TSNARE1: variants seen among roughly 807,000 people sequenced by gnomAD.
TSNARE1 encodes t-SNARE domain containing 1.
Under a neutral mutation model 62.0 loss-of-function variants are expected in TSNARE1, and 49 were observed. The observed-to-expected ratio is 0.79, with a 90% confidence interval of 0.63 to 1.00. The LOEUF (loss-of-function observed/expected upper bound fraction) is 1.00. TSNARE1 is among the 50% of genes least tolerant of loss of function. TSNARE1 has a pLI of 0.00. For missense variants in TSNARE1, 755 were observed against 700.1 expected, an observed-to-expected ratio of 1.08 and a Z score of -0.88; for synonymous variants, 328 against 294.4, an observed-to-expected ratio of 1.11 and a Z score of -1.17.
In TSNARE1 at chr8:142,212,248, G is replaced by A. The variant is rs1384646304; in HGVS notation, c.*77C>T. The A allele has an allele frequency of 6.6e-6, 1 of 152,268 alleles. No individual in the cohort carries two copies. The highest frequency in any genetic ancestry group is 1.5e-5 in the Non-Finnish European group (1 of 68,072). The allele number at this position is 152,268 out of a possible 1,614,324, so 9.4% of individuals were successfully genotyped here. On this transcript the variant is annotated 3_prime_UTR_variant, in exon 14 of 14. Coordinates refer to ENST00000524325, the MANE Select transcript of TSNARE1 (RefSeq NM_145003.5). ...CGGACTCCATCAGCTCCCAGCTCCG[G>A]GCCAGGAGGGGTGCTCGGGGCTGGA...
Position 142,342,435 on chromosome 8 carries a change from G to C in TSNARE1, c.745+1531C>G, listed in dbSNP as rs550248689. Among the ~76,000 whole-genome samples the C allele has an allele frequency of 1.8e-3, 275 of 152,316 alleles. 2 individuals carry two copies. Among genetic ancestry groups the C allele is most frequent in the African/African-American group, 6.4e-3 (264 of 41,574 alleles). On this transcript the variant is annotated intron_variant, in intron 4 of 13. Transcript: ENST00000524325. ...CACACTGGGCTCAGGTATGGGGGCA[G>C]ATCCCAGCCAATGTCTTGAGGGGAA...
At chr8:142,236,791 A>G (rs1476458413) in intron 12 of TSNARE1, among the ~76,000 whole-genome samples, 4 of 152,130 alleles carry the variant, frequency 2.6e-5, no homozygotes, top group Admixed American at 1.3e-4. Flanking sequence ...TAATCGGTGC[A>G]TATTCATTGC....
intron 11 of TSNARE1, chr8:142,277,376 G>C: frequency 1.0e-6 from 1 of 985,412 alleles, no homozygotes; most frequent in Non-Finnish European, 1.2e-6. Flanking sequence ...TCAGGGCACA[G>C]GGACCCCTGT....
At chr8:142,249,233 A>G (rs1466073469) in intron 12 of TSNARE1, among the ~76,000 whole-genome samples, 3 of 152,234 alleles carry the variant, frequency 2.0e-5, no homozygotes, top group Admixed American at 2.0e-4. Context: ...CAGGGACGTC[A>G]TCCGGACGGG....
At chr8:142,294,255 A>G (rs888200797) in intron 10 of TSNARE1, among the ~76,000 whole-genome samples, 8 of 152,108 alleles carry the variant, frequency 5.3e-5, no homozygotes, top group African/African-American at 1.7e-4. Context: ...ATCGAAGGGC[A>G]TGAGTTTGCA....
chr8:142,215,572 T>C (rs1815793498), intron 13 of TSNARE1, among the ~76,000 whole-genome samples: 1 of 151,992 alleles, frequency 6.6e-6, no homozygotes, highest in African/African-American at 2.4e-5. Flanking sequence ...GGGCCCAGCC[T>C]CGAACCTGAG....
chr8:142,262,891 A>G (rs1818964224), intron 12 of TSNARE1, among the ~76,000 whole-genome samples: 1 of 152,186 alleles, frequency 6.6e-6, no homozygotes, highest in African/African-American at 2.4e-5. Flanking sequence ...ATGGACTAAC[A>G]CACTTATTGA....
chr8:142,233,004 T>C (rs1371293099), intron 12 of TSNARE1, among the ~76,000 whole-genome samples: 1 of 151,980 alleles, frequency 6.6e-6, no homozygotes, highest in Non-Finnish European at 1.5e-5. Context: ...CTTTCCTCAC[T>C]CCAGCAGGCA....
intron 12 of TSNARE1, among the ~76,000 whole-genome samples, chr8:142,249,453 G>T (rs776577905): frequency 1.8e-4 from 28 of 152,224 alleles, no homozygotes; most frequent in Non-Finnish European, 3.1e-4. Flanking sequence ...CTGGAAAGGG[G>T]GGTTTGGGTG....
chr8:142,245,626 T>C (rs1720441398), intron 12 of TSNARE1, among the ~76,000 whole-genome samples: 1 of 152,138 alleles, frequency 6.6e-6, no homozygotes, highest in African/African-American at 2.4e-5. Flanking sequence ...AAACAATACA[T>C]TGTTTAGTAG....
intron 12 of TSNARE1, among the ~76,000 whole-genome samples, chr8:142,241,659 CA>C (rs539338113): frequency 5.0e-4 from 76 of 152,278 alleles, no homozygotes; most frequent in African/African-American, 1.7e-3. Flanking sequence ...AACAGACGTA[CA>C]GACCAATGAA....
intron 7 of TSNARE1, among the ~76,000 whole-genome samples, chr8:142,316,297 T>C (rs1586756043): frequency 6.6e-6 from 1 of 151,444 alleles, no homozygotes; most frequent in Non-Finnish European, 1.5e-5. Flanking sequence ...CCCCACAGAG[T>C]GGTCCCCGCA....
intron 7 of TSNARE1, among the ~76,000 whole-genome samples, chr8:142,315,353 C>T (rs1255640813): frequency 2.6e-5 from 4 of 152,228 alleles, no homozygotes; most frequent in African/African-American, 4.8e-5. Flanking sequence ...TAAACCCGGC[C>T]CCACACCACC....
At chr8:142,299,356 G>A (rs1825288792) in intron 10 of TSNARE1, among the ~76,000 whole-genome samples, 1 of 152,228 alleles carries the variant, frequency 6.6e-6, no homozygotes, top group Non-Finnish European at 1.5e-5. Flanking sequence ...TTACTGCCAG[G>A]CCTCTGCTTT....
intron 1 of TSNARE1, among the ~76,000 whole-genome samples, chr8:142,368,001 C>T (rs1835675076): frequency 6.6e-6 from 1 of 151,972 alleles, no homozygotes; most frequent in Non-Finnish European, 1.5e-5. Flanking sequence ...AAATGAATTC[C>T]CCTTTAACCT....
intron 12 of TSNARE1, among the ~76,000 whole-genome samples, chr8:142,266,628 T>C (rs749796118): frequency 5.3e-5 from 8 of 152,264 alleles, no homozygotes; most frequent in Non-Finnish European, 1.2e-4. Flanking sequence ...TCAAATTGCT[T>C]GAGGCTTTCC....
chr8:142,355,526 C>T (rs750440389), intron 1 of TSNARE1, among the ~76,000 whole-genome samples: 2 of 152,188 alleles, frequency 1.3e-5, no homozygotes, highest in African/African-American at 4.8e-5. Context: ...CCTCTCCTCC[C>T]GTGGGCTGCA....
In TSNARE1 at chr8:142,271,214, T is replaced by C. The variant is rs1048568453; in HGVS notation, c.1446+3567A>G. 27 of 1,000,098 alleles carry C rather than the reference T, an allele frequency of 2.7e-5. No individual in the cohort carries two copies. The African/African-American group carries it at 4.5e-4, about 17-fold the overall frequency. 62.0% of individuals were successfully genotyped at this position (1,000,098 alleles called of 1,614,324 possible). A position where few individuals can be genotyped will look rare whatever the true frequency, so the allele number is the denominator to read the frequency against. The stretch of plus-strand genomic sequence containing the variant: ...CACTCCACTGGCAGGACTACCGTCC[T>C]GGAGTGAGGGTGAGGCTTCCCGGGT... On this transcript the variant is annotated intron_variant, in intron 12 of 13. Transcript: ENST00000524325.
At chr8:142,337,042 A>T (rs1418192745) in intron 4 of TSNARE1, among the ~76,000 whole-genome samples, 1 of 152,230 alleles carries the variant, frequency 6.6e-6, no homozygotes, top group African/African-American at 2.4e-5. Flanking sequence ...TAGAAAAAAA[A>T]AGATCTCAAG....
Sources: gnomAD v4.1 joint callset for allele counts (sites outside exome capture counted in the v4.1 genomes callset) on GRCh38, gnomAD v4.1.1 for gene constraint, MANE v1.5 for transcripts, NCBI Gene and HGNC (gene_info 2026-07-23, HGNC 2026-07-21) for gene names.